The following SLC14A1 variants were observed in gnomAD, a reference collection of about 807,000 sequenced individuals.
The protein encoded by SLC14A1 is solute carrier family 14 member 1 (Kidd blood group).
Under a neutral mutation model 39.6 loss-of-function variants are expected in SLC14A1, and 36 were observed. That is an observed-to-expected ratio of 0.91 (90% CI 0.70 to 1.20). SLC14A1 has a LOEUF of 1.20. Among genes scored for constraint, SLC14A1 ranks in the 50% most tolerant of loss-of-function variants. SLC14A1 has a pLI of 0.00. For missense variants in SLC14A1, 469 were observed against 478.7 expected, an observed-to-expected ratio of 0.98 and a Z score of 0.19; for synonymous variants, 164 against 173.6, an observed-to-expected ratio of 0.94 and a Z score of 0.43.
At chr18:45,747,455 G>A (rs1180253602) in intron 8 of SLC14A1, among the ~76,000 whole-genome samples, 1 of 152,054 alleles carries the variant, frequency 6.6e-6, no homozygotes, top group African/African-American at 2.4e-5. Flanking sequence ...TTGGGAGGCC[G>A]AGACGGGCAG....
chr18:45,751,074 T>G lies in SLC14A1; in HGVS notation c.*1123T>G. ...GAAATAAAGGGCTGAGTGCGGTGGCTCACGCCTGTAATCCCAGCACTTTGG... is the reference window on the plus strand; with the variant it reads ...GAAATAAAGGGCTGAGTGCGGTGGCGCACGCCTGTAATCCCAGCACTTTGG... On this transcript the variant is annotated 3_prime_UTR_variant, in exon 10 of 10. Coordinates refer to ENST00000321925, the MANE Select transcript of SLC14A1 (RefSeq NM_015865.7). The G allele has an allele frequency of 2.1e-6, 2 of 967,176 alleles. No homozygotes were observed. The highest frequency in any genetic ancestry group is 2.5e-6 in the Non-Finnish European group (2 of 813,332). 59.9% of individuals were successfully genotyped at this position (967,176 alleles called of 1,614,324 possible).
chr18:45,730,751 C>A (rs1260702272), intron 3 of SLC14A1, among the ~76,000 whole-genome samples: 1 of 152,046 alleles, frequency 6.6e-6, no homozygotes, highest in Non-Finnish European at 1.5e-5. Context: ...AGAATTTGTA[C>A]CTATAAGCAT....
At chr18:45,736,760 C>A in intron 6 of SLC14A1, 112 bp downstream of exon 6, 1 of 874,984 alleles carries the variant, frequency 1.1e-6, no homozygotes, top group South Asian at 1.4e-5. Context: ...ACTATGGTGG[C>A]CTTTCTGCCT....
At chr18:45,727,126 TG>T in intron 2 of SLC14A1, 2 of 773,574 alleles carry the variant, frequency 2.6e-6, no homozygotes, top group Non-Finnish European at 2.1e-6. Flanking sequence ...GTCTCCCATG[TG>T]GGGCCACATC....
Position 45,750,178 on chromosome 18 carries a change from C to A in SLC14A1, c.*227C>A, listed in dbSNP as rs1599336243. ...ATGTGCTCTGGTATGGAATTTGAAA[C>A]CCCAATGGGGCCTTGGCACTAAGAC... is the stretch of plus-strand genomic sequence containing the variant. On this transcript the variant is annotated 3_prime_UTR_variant, in exon 10 of 10. Transcript: ENST00000321925. The A allele has an allele frequency of 7.0e-7, 1 of 1,428,216 alleles. No homozygotes were observed. The highest frequency in any genetic ancestry group is 9.1e-7 in the Non-Finnish European group (1 of 1,096,360). The allele number at this position is 1,428,216 out of a possible 1,614,324, so 88.5% of individuals were successfully genotyped here.
At chr18:45,732,576 T>A (rs972348367) in intron 4 of SLC14A1, among the ~76,000 whole-genome samples, 3 of 152,372 alleles carry the variant, frequency 2.0e-5, no homozygotes, top group South Asian at 2.1e-4. Context: ...CCTGTTGCAA[T>A]GGTGCCTCCT....
chr18:45,748,830 T>C (rs1221586006), intron 9 of SLC14A1, among the ~76,000 whole-genome samples: 22 of 152,320 alleles, frequency 1.4e-4, no homozygotes, highest in East Asian at 1.9e-4. Flanking sequence ...TCATGGCTGC[T>C]AAGGAGTCAA....
At chr18:45,729,899 CTTAA>C (rs1361731955) in intron 2 of SLC14A1, 1 of 156,268 alleles carries the variant, frequency 6.4e-6, no homozygotes, top group East Asian at 1.9e-4. Flanking sequence ...TTTCTTGCTC[CTTAA>C]TTGACAGCAT....
chr18:45,724,283 C>T lies in SLC14A1; in HGVS notation c.-86+10C>T, dbSNP rs1037688630. 1.3e-5 allele frequency: 2 copies of T among 152,264 alleles called. No individual in the cohort carries two copies. Among genetic ancestry groups the T allele is most frequent in the African/African-American group, 4.8e-5 (2 of 41,462 alleles). 9.4% of individuals were successfully genotyped at this position (152,264 alleles called of 1,614,324 possible). ...AGCCAGCTAGAGTGGTGTAAGTACTCATCCTTATTTCTATTCATTTCCAAC... is the reference window on the plus strand; with the variant it reads ...AGCCAGCTAGAGTGGTGTAAGTACTTATCCTTATTTCTATTCATTTCCAAC... On this transcript the variant is annotated intron_variant, in intron 1 of 9. Transcript: ENST00000321925.
chr18:45,747,624 G>A (rs989938826), intron 8 of SLC14A1, among the ~76,000 whole-genome samples: 3 of 152,150 alleles, frequency 2.0e-5, no homozygotes, highest in Admixed American at 2.0e-4. Context: ...GAACCCAGGA[G>A]GCGGAGCTTG....
At chr18:45,732,901 A>G (rs28994296) in intron 4 of SLC14A1, among the ~76,000 whole-genome samples, 2,594 of 152,354 alleles carry the variant, frequency 0.017, 79 homozygotes, top group African/African-American at 0.058. Flanking sequence ...TGCATATACA[A>G]CACGAACTAC....
intron 4 of SLC14A1, among the ~76,000 whole-genome samples, chr18:45,733,806 G>A (rs1217769544): frequency 1.3e-5 from 2 of 152,174 alleles, no homozygotes; most frequent in Non-Finnish European, 2.9e-5. Flanking sequence ...GGAGGTGAGC[G>A]GTGGGCGAGT....
At position 45,751,830 on chromosome 18, in the gene SLC14A1, G is replaced by A; in HGVS notation, c.*1879G>A. The stretch of plus-strand genomic sequence containing the variant: ...TTAATTAATTTAAAAAGGAAGTCAT[G>A]TTCATTTACTTTCCACTTCAGTGTG... On this transcript the variant is annotated 3_prime_UTR_variant, in exon 10 of 10. Coordinates refer to ENST00000321925, the MANE Select transcript of SLC14A1 (RefSeq NM_015865.7). 1 of 975,512 alleles carries A rather than the reference G, an allele frequency of 1.0e-6. No homozygotes were observed. Among genetic ancestry groups the A allele is most frequent in the East Asian group, 1.1e-4 (1 of 8,746 alleles). The allele number at this position is 975,512 out of a possible 1,614,324, so 60.4% of individuals were successfully genotyped here.
chr18:45,739,358 T>C (rs2047289806), intron 7 of SLC14A1, 48 bp downstream of exon 7: 1 of 1,613,484 alleles, frequency 6.2e-7, no homozygotes, highest in South Asian at 1.1e-5. Context: ...CTCCATCCCA[T>C]GCATTGCCTC....
intron 2 of SLC14A1, chr18:45,727,358 C>CGCA: frequency 1.3e-6 from 2 of 1,551,600 alleles, no homozygotes; most frequent in Non-Finnish European, 1.7e-6. Context: ...AAGCTGGTGA[C>CGCA]GCAGCGCGCA....
intron 8 of SLC14A1, among the ~76,000 whole-genome samples, chr18:45,746,167 C>T (rs976574773): frequency 1.3e-5 from 2 of 152,136 alleles, no homozygotes; most frequent in African/African-American, 4.8e-5. Context: ...GTTGGGTTAT[C>T]GCAGTGGGAC....
intron 9 of SLC14A1, 88 bp from the exon 10 acceptor site, chr18:45,749,690 G>T: frequency 1.3e-6 from 2 of 1,488,088 alleles, no homozygotes; most frequent in South Asian, 1.1e-5. Context: ...ATCCCCCTGG[G>T]CTGAATGCAA....
In SLC14A1 at chr18:45,750,180, C is replaced by T; in HGVS notation, c.*229C>T. On this transcript the variant is annotated 3_prime_UTR_variant, in exon 10 of 10. Coordinates refer to ENST00000321925, the MANE Select transcript of SLC14A1 (RefSeq NM_015865.7). Reference sequence around the variant, plus strand: ...GTGCTCTGGTATGGAATTTGAAACCCCAATGGGGCCTTGGCACTAAGACTG... The same window carrying T: ...GTGCTCTGGTATGGAATTTGAAACCTCAATGGGGCCTTGGCACTAAGACTG... The T allele has an allele frequency of 3.5e-6, 5 of 1,425,608 alleles. No homozygotes were observed. The highest frequency in any genetic ancestry group is 3.0e-5 in the South Asian group (2 of 66,308). 88.3% of individuals were successfully genotyped at this position (1,425,608 alleles called of 1,614,324 possible). A position where few individuals can be genotyped will look rare whatever the true frequency, so the allele number is the denominator to read the frequency against.
At chr18:45,747,803 T>C (rs1410632696) in intron 8 of SLC14A1, among the ~76,000 whole-genome samples, 1 of 152,236 alleles carries the variant, frequency 6.6e-6, no homozygotes, top group Non-Finnish European at 1.5e-5. Context: ...GTTCCTGCTG[T>C]TCTCTGAGTT....
Sources: allele counts gnomAD v4.1 joint callset (sites outside exome capture counted in the v4.1 genomes callset), GRCh38; gene constraint gnomAD v4.1.1; transcripts MANE v1.5; gene names NCBI Gene and HGNC (gene_info 2026-07-23, HGNC 2026-07-21).